Variants in KAZN observed in about 807,000 individuals in gnomAD.
KAZN encodes the protein kazrin.
Under a neutral mutation model 87.4 loss-of-function variants are expected in KAZN, and 40 were observed. The ratio of observed to expected loss-of-function variants is 0.46; its 90% CI spans 0.36 to 0.60. KAZN has a LOEUF of 0.60. Among genes scored for constraint, KAZN ranks in the 20% least tolerant of loss-of-function variants. The pLI, the probability that KAZN is intolerant of heterozygous loss-of-function variation, is 0.00. For missense variants in KAZN, 898 were observed against 1,073.9 expected (o/e 0.84, Z 2.29); for synonymous variants, 466 against 458.3 (o/e 1.02, Z -0.22).
intron 11 of KAZN, among the ~76,000 whole-genome samples, chr1:15,101,983 C>T (rs531180827): frequency 5.9e-5 from 9 of 152,330 alleles, no homozygotes; most frequent in African/African-American, 1.9e-4. Flanking sequence ...GTCAGCCAGC[C>T]ATCTTCTCTT....
intron 1 of KAZN, among the ~76,000 whole-genome samples, chr1:14,710,093 C>G (rs2148819289): frequency 6.6e-6 from 1 of 152,286 alleles, no homozygotes; most frequent in East Asian, 1.9e-4. Flanking sequence ...TGCCTCTGCC[C>G]TGGTGGAATT....
intron 2 of KAZN, among the ~76,000 whole-genome samples, chr1:14,524,928 G>A (rs1483273085): frequency 2.6e-5 from 4 of 152,202 alleles, no homozygotes; most frequent in Non-Finnish European, 5.9e-5. Context: ...TTTCTTTGGA[G>A]ACCCAGCAAG....
chr1:15,068,154 C>T (rs1639344291), intron 8 of KAZN: 54 of 868,968 alleles, frequency 6.2e-5, no homozygotes, highest in Non-Finnish European at 7.0e-5. Context: ...AAAATATGAT[C>T]GAATTCTATG....
chr1:14,718,821 C>G (rs1446473523), intron 1 of KAZN, among the ~76,000 whole-genome samples: 2 of 152,174 alleles, frequency 1.3e-5, no homozygotes, highest in Non-Finnish European at 2.9e-5. Flanking sequence ...TATCTTAGGG[C>G]TACGTGGAGG....
At chr1:14,040,642 A>G (rs1446843726) in intron 1 of KAZN, among the ~76,000 whole-genome samples, 1 of 152,034 alleles carries the variant, frequency 6.6e-6, no homozygotes, top group Non-Finnish European at 1.5e-5. Flanking sequence ...CCCGCCTGTA[A>G]TCCCAGCTAC....
chr1:14,794,879 G>A (rs1012859096), intron 1 of KAZN, among the ~76,000 whole-genome samples: 9 of 152,292 alleles, frequency 5.9e-5, no homozygotes, highest in South Asian at 4.1e-4. Flanking sequence ...CTGCCAGCAC[G>A]GCTAGGATAA....
chr1:15,112,329 ATGTGTGTGTGTGTGTGTGTGTG>A (rs58658629), intron 13 of KAZN, 76 bp from the exon 14 acceptor site: 492 of 638,538 alleles, frequency 7.7e-4, no homozygotes, highest in Non-Finnish European at 1.1e-3. Context: ...ATTGTCACCA[ATGTGTGTGTGTGTGTGTGTGTG>A]TGTGTGTGTG....
rs190281471 is a variant in KAZN, at chr1:14,625,535, G to T, written c.226+26312G>T. 7.9e-5 allele frequency among the ~76,000 whole-genome samples: 12 copies of T among 152,274 alleles called. No homozygotes were observed. In the East Asian group the frequency reaches 2.3e-3, roughly 29 times the overall value. On this transcript the variant is annotated intron_variant, in intron 1 of 14. Transcript: ENST00000376030. ...CCCAAAGAGGCTTGACTTATAATTA[G>T]CAGCTAAAAGATTTCCAGTCATATT...
At chr1:14,938,339 C>T (rs1425072943) in intron 1 of KAZN, among the ~76,000 whole-genome samples, 3 of 152,116 alleles carry the variant, frequency 2.0e-5, no homozygotes, top group Non-Finnish European at 2.9e-5. Context: ...GTCAGGAGTT[C>T]GAGACCAGCC....
intron 2 of KAZN, among the ~76,000 whole-genome samples, chr1:14,231,481 A>C (rs1318228075): frequency 6.6e-6 from 1 of 152,176 alleles, no homozygotes; most frequent in African/African-American, 2.4e-5. Context: ...CATAGGTAAT[A>C]TATAAAGGGA....
At chr1:14,107,132 T>C (rs1353434916) in intron 1 of KAZN, among the ~76,000 whole-genome samples, 1 of 150,270 alleles carries the variant, frequency 6.7e-6, no homozygotes. Context: ...GAAGTGTAGA[T>C]TGCTGTGTTG....
At chr1:14,801,177 G>C (rs1646003777) in intron 1 of KAZN, among the ~76,000 whole-genome samples, 1 of 152,064 alleles carries the variant, frequency 6.6e-6, no homozygotes, top group Non-Finnish European at 1.5e-5. Flanking sequence ...TCCGGCAGCT[G>C]CCCTCTCGAG....
intron 1 of KAZN, among the ~76,000 whole-genome samples, chr1:14,788,250 C>T (rs1645570086): frequency 1.3e-5 from 2 of 152,160 alleles, no homozygotes; most frequent in South Asian, 2.1e-4. Flanking sequence ...TACTGGCTCT[C>T]GGGCCTCCAG....
At chr1:14,163,539 A>T (rs1645756441) in intron 1 of KAZN, among the ~76,000 whole-genome samples, 1 of 152,178 alleles carries the variant, frequency 6.6e-6, no homozygotes, top group Non-Finnish European at 1.5e-5. Context: ...TTTGCTTCTT[A>T]GTGCGCATGC....
intron 2 of KAZN, among the ~76,000 whole-genome samples, chr1:14,242,197 G>A (rs1649007318): frequency 6.6e-6 from 1 of 152,188 alleles, no homozygotes; most frequent in African/African-American, 2.4e-5. Context: ...AAAGAAATCT[G>A]AAGACTGTAA....
intron 1 of KAZN, among the ~76,000 whole-genome samples, chr1:13,921,016 T>C (rs1427575890): frequency 6.6e-6 from 1 of 152,152 alleles, no homozygotes; most frequent in Admixed American, 6.5e-5. Flanking sequence ...TGTGTGCTCA[T>C]TGTGTCCCAG....
At chr1:15,087,638 C>T (rs1236979435) in intron 8 of KAZN, among the ~76,000 whole-genome samples, 5 of 152,164 alleles carry the variant, frequency 3.3e-5, no homozygotes, top group Admixed American at 6.5e-5. Context: ...CCACCCACCT[C>T]GGTGTCCCAA....
chr1:13,946,115 T>C (rs919703789), intron 1 of KAZN, among the ~76,000 whole-genome samples: 5 of 152,242 alleles, frequency 3.3e-5, no homozygotes, highest in Admixed American at 2.0e-4. Context: ...TCTGTATTCT[T>C]TCCCTGGTCA....
chr1:13,979,098 GAA>G (rs765615982), intron 1 of KAZN, among the ~76,000 whole-genome samples: 1 of 108,902 alleles, frequency 9.2e-6, no homozygotes, highest in Admixed American at 9.3e-5. Context: ...CCAGTCTCAA[GAA>G]AAAAAAAAAA....
Sources: allele counts gnomAD v4.1 joint callset (sites outside exome capture counted in the v4.1 genomes callset), GRCh38; gene constraint gnomAD v4.1.1; transcripts MANE v1.5; gene names NCBI Gene and HGNC (gene_info 2026-07-23, HGNC 2026-07-21).